Variants in PGR observed in about 807,000 individuals in gnomAD.
The protein encoded by PGR is nuclear receptor subfamily 3 group C member 3.
In PGR, 25 loss-of-function variants were observed where a neutral mutation model predicts 76.1. The ratio of observed to expected loss-of-function variants is 0.33; its 90% CI spans 0.24 to 0.46. PGR has a LOEUF of 0.46. Ranked by LOEUF, PGR falls within the 20% of genes least tolerant of loss-of-function variation. The pLI, the probability that PGR is intolerant of heterozygous loss-of-function variation, is 1.00. For missense variants in PGR, 1,172 were observed against 1,225.3 expected, an observed-to-expected ratio of 0.96 and a Z score of 0.65; for synonymous variants, 579 against 535.0, an observed-to-expected ratio of 1.08 and a Z score of -1.14.
intron 3 of PGR, among the ~76,000 whole-genome samples, chr11:101,071,508 G>A (rs1434456594): frequency 1.3e-5 from 2 of 151,902 alleles, no homozygotes; most frequent in Non-Finnish European, 1.5e-5. Context: ...GCTTCAGGAG[G>A]CGGGTAATGA....
chr11:101,053,228 C>T (rs1005428681), intron 4 of PGR, among the ~76,000 whole-genome samples: 1 of 152,128 alleles, frequency 6.6e-6, no homozygotes, highest in African/African-American at 2.4e-5. Flanking sequence ...AAACTTAATT[C>T]ATTAGCTATC....
intron 6 of PGR, among the ~76,000 whole-genome samples, chr11:101,046,349 T>C (rs1397986948): frequency 7.5e-6 from 1 of 133,678 alleles, no homozygotes; most frequent in Non-Finnish European, 1.6e-5. Context: ...AGACGGGGTT[T>C]TCCAAGTTGC....
intron 3 of PGR, among the ~76,000 whole-genome samples, chr11:101,085,161 TACTC>T: frequency 2.0e-5 from 3 of 152,260 alleles, no homozygotes; most frequent in Middle Eastern, 6.8e-3. Context: ...ACAGAACATA[TACTC>T]CAAGATTCAC....
chr11:101,055,954 A>G (rs1860273075), intron 4 of PGR, among the ~76,000 whole-genome samples: 1 of 152,248 alleles, frequency 6.6e-6, no homozygotes, highest in African/African-American at 2.4e-5. Flanking sequence ...AATAGAACTC[A>G]GAAAATAACC....
chr11:101,128,748 C>A lies in PGR; in HGVS notation c.323G>T (p.Ser108Ile), dbSNP rs1324015244. 1 of 1,613,564 alleles carries A rather than the reference C, an allele frequency of 6.2e-7. No homozygotes were observed. Among genetic ancestry groups the A allele is most frequent in the Non-Finnish European group, 8.5e-7 (1 of 1,180,026 alleles). ...GTCCAAGACACTGTCCAGCAGTCCG[C>A]TGTCCTTTTCTGGGGGACTAGAACT... ...GSSSSPPEKD[S>I]GLLDSVLDTL... The change falls in exon 1 of 8, where the codon AGC (serine) becomes ATC (isoleucine). Residue 108 changes from serine to isoleucine, a missense_variant. By Grantham distance (142) the Ser-to-Ile change is moderately radical (BLOSUM62 -2). Coordinates refer to ENST00000325455, the MANE Select transcript of PGR (RefSeq NM_000926.4).
At chr11:101,040,166 C>G (rs1321253289) in intron 7 of PGR, among the ~76,000 whole-genome samples, 1 of 151,870 alleles carries the variant, frequency 6.6e-6, no homozygotes, top group Non-Finnish European at 1.5e-5. Flanking sequence ...GCTTTGTTTT[C>G]TCTATATTTG....
rs775747684 is a variant in PGR, at chr11:101,051,409, A to T, written c.2357+15T>A. ...TACACTTAAAATAACAAAAACAACAAAAGTTACTACTTACTCATTTAGTAT... is the reference window on the plus strand; with the variant it reads ...TACACTTAAAATAACAAAAACAACATAAGTTACTACTTACTCATTTAGTAT... On this transcript the variant is annotated intron_variant, in intron 5 of 7. Transcript: ENST00000325455. The T allele has an allele frequency of 1.9e-6, 3 of 1,575,736 alleles. No individual in the cohort carries two copies. Among genetic ancestry groups the T allele is most frequent in the African/African-American group, 2.7e-5 (2 of 74,324 alleles).
intron 3 of PGR, among the ~76,000 whole-genome samples, chr11:101,070,076 C>T (rs559803): frequency 0.012 from 1,658 of 138,816 alleles, 40 homozygotes; most frequent in African/African-American, 0.041. Context: ...GCTCCCAACG[C>T]GATCAACACA....
rs934416106 is a variant in PGR at position 101,046,328 on chromosome 11, T to A, written c.2488+3601A>T. ...TTTTTTTTTTTTTTTTTTTTTTTTT[T>A]TTTTTTTTAGAGACGGGGTTTTCCA... On this transcript the variant is annotated intron_variant, in intron 6 of 7. Transcript: ENST00000325455. Among the ~76,000 whole-genome samples the A allele has an allele frequency of 9.9e-4, 85 of 86,202 alleles. 1 individual carries two copies. The highest frequency in any genetic ancestry group is 3.8e-3 in the African/African-American group (83 of 21,828). 56.6% of individuals were successfully genotyped at this position (86,202 alleles called of 152,430 possible).
Position 101,039,110 on chromosome 11 carries a change from T to C in PGR, c.*6A>G. The C allele has an allele frequency of 6.2e-7, 1 of 1,607,002 alleles. No homozygotes were observed. Among genetic ancestry groups the C allele is most frequent in the Non-Finnish European group, 8.5e-7 (1 of 1,174,230 alleles). ...AATTTAATTCTTTAAAAGAAAAAGA[T>C]GACATTCACTTTTTATGAAAGAGAA... On this transcript the variant is annotated 3_prime_UTR_variant, in exon 8 of 8. Coordinates refer to ENST00000325455, the MANE Select transcript of PGR (RefSeq NM_000926.4).
chr11:101,108,676 C>A (rs1289502096), intron 2 of PGR, among the ~76,000 whole-genome samples: 1 of 152,196 alleles, frequency 6.6e-6, no homozygotes, highest in African/African-American at 2.4e-5. Context: ...CCATTACTAA[C>A]TGGCTAGGTA....
intron 4 of PGR, among the ~76,000 whole-genome samples, chr11:101,052,307 G>A (rs1158155443): frequency 1.0e-5 from 1 of 97,360 alleles, no homozygotes; most frequent in Non-Finnish European, 2.3e-5. Context: ...GTGTGTGTGT[G>A]TGTGTGTGTG....
intron 3 of PGR, among the ~76,000 whole-genome samples, chr11:101,072,689 A>G (rs1427144418): frequency 6.6e-6 from 1 of 152,238 alleles, no homozygotes. Flanking sequence ...AGTCTCTGAT[A>G]AAACAGACTT....
In PGR at chr11:101,034,876, T is replaced by C. The variant is rs1210102674; in HGVS notation, c.*4240A>G. On this transcript the variant is annotated 3_prime_UTR_variant, in exon 8 of 8. Transcript: ENST00000325455. ...CCATAGAGTGTGGAATAATGGTACA[T>C]TAAATAGTCCACAGATGCTAGGGAG... is the stretch of plus-strand genomic sequence containing the variant. 2 of 181,504 alleles carry C rather than the reference T, an allele frequency of 1.1e-5. No individual in the cohort carries two copies. The highest frequency in any genetic ancestry group is 2.0e-4 in the South Asian group (1 of 5,076). The allele number at this position is 181,504 out of a possible 1,614,324, so 11.2% of individuals were successfully genotyped here. A position where few individuals can be genotyped will look rare whatever the true frequency, so the allele number is the denominator to read the frequency against.
chr11:101,102,677 G>A (rs1173745103), intron 2 of PGR, among the ~76,000 whole-genome samples: 2 of 152,164 alleles, frequency 1.3e-5, no homozygotes, highest in East Asian at 3.9e-4. Flanking sequence ...AGGAGAGAAG[G>A]AAAATCTTAT....
chr11:101,112,211 G>A (rs1862365345), intron 2 of PGR, among the ~76,000 whole-genome samples: 1 of 152,118 alleles, frequency 6.6e-6, no homozygotes, highest in South Asian at 2.1e-4. Flanking sequence ...TGTTAGAAGA[G>A]TTTTGCTGTA....
At chr11:101,095,663 G>C (rs1309034703) in intron 2 of PGR, among the ~76,000 whole-genome samples, 2 of 152,168 alleles carry the variant, frequency 1.3e-5, no homozygotes, top group African/African-American at 4.8e-5. Flanking sequence ...GTAGCTAGAT[G>C]ACATTTGGCA....
At position 101,029,639 on chromosome 11, in the gene PGR, T is replaced by C. The variant is rs1859289903; in HGVS notation, c.*9477A>G. ...AAGAGAGATATAGAAATTAGTTTAT[T>C]CTTTATTATCACACAGAATAACAAG... On this transcript the variant is annotated 3_prime_UTR_variant, in exon 8 of 8. Transcript: ENST00000325455. 1.6e-5 allele frequency: 3 copies of C among 190,366 alleles called. No homozygotes were observed. The highest frequency in any genetic ancestry group is 3.3e-5 in the Non-Finnish European group (3 of 90,710). The allele number at this position is 190,366 out of a possible 1,614,324, so 11.8% of individuals were successfully genotyped here.
chr11:101,093,435 A>G (rs1381361809), intron 2 of PGR, among the ~76,000 whole-genome samples: 1 of 152,090 alleles, frequency 6.6e-6, no homozygotes, highest in Non-Finnish European at 1.5e-5. Context: ...ATCTCACAAG[A>G]AGAGAGAACA....
Sources: allele counts gnomAD v4.1 joint callset (sites outside exome capture counted in the v4.1 genomes callset), GRCh38; gene constraint gnomAD v4.1.1; transcripts MANE v1.5; gene names NCBI Gene and HGNC (gene_info 2026-07-23, HGNC 2026-07-21).